Variants in FAR1 observed in about 807,000 individuals in gnomAD.
FAR1 encodes the protein male sterility domain-containing protein 2.
FAR1 carries 22 observed loss-of-function variants against 61.1 expected under a neutral mutation model. The observed-to-expected ratio is 0.36, with a 90% confidence interval of 0.26 to 0.51. The LOEUF is 0.51. Among genes scored for constraint, FAR1 ranks in the 20% least tolerant of loss-of-function variants. FAR1 has a pLI of 0.95. For missense variants in FAR1, 359 were observed against 626.9 expected (o/e 0.57, Z 4.56); for synonymous variants, 206 against 209.7 (o/e 0.98, Z 0.15).
At position 13,721,651 on chromosome 11, in the gene FAR1, A is replaced by G; in HGVS notation, c.1128-79A>G. 8.4e-7 allele frequency: 1 copy of G among 1,188,376 alleles called. No individual in the cohort carries two copies. Among genetic ancestry groups the G allele is most frequent in the Non-Finnish European group, 1.2e-6 (1 of 835,666 alleles). The allele number at this position is 1,188,376 out of a possible 1,614,324, so 73.6% of individuals were successfully genotyped here. Reference sequence around the variant, plus strand: ...ATACTAATGTCTATATTATAGGGGGAAACTTGCACCCTGGGTGGTGATAGG... The same window carrying G: ...ATACTAATGTCTATATTATAGGGGGGAACTTGCACCCTGGGTGGTGATAGG... On this transcript the variant is annotated intron_variant, in intron 9 of 11. Transcript: ENST00000354817. This position sits in a 1 kb window ranked among gnomAD's most constrained non-coding sequence, Gnocchi z 4.2.
chr11:13,676,461 T>C (rs571408592), intron 1 of FAR1, among the ~76,000 whole-genome samples: 1 of 152,290 alleles, frequency 6.6e-6, no homozygotes, highest in African/African-American at 2.4e-5. Context: ...AAGGATCTGC[T>C]AAAGTATTTT....
intron 9 of FAR1, among the ~76,000 whole-genome samples, chr11:13,718,753 A>G (rs907398416): frequency 6.6e-6 from 1 of 152,164 alleles, no homozygotes; most frequent in African/African-American, 2.4e-5. Context: ...CTTGATGGTA[A>G]TGGCTCAGGA....
chr11:13,724,636 C>CT (rs1848650990), intron 10 of FAR1, among the ~76,000 whole-genome samples: 1 of 150,856 alleles, frequency 6.6e-6, no homozygotes, highest in Non-Finnish European at 1.5e-5. Flanking sequence ...AGCTTCCTTT[C>CT]TCTTCCCACT....
intron 3 of FAR1, among the ~76,000 whole-genome samples, chr11:13,705,990 A>C (rs1349630357): frequency 6.6e-6 from 1 of 152,214 alleles, no homozygotes; most frequent in Non-Finnish European, 1.5e-5. Context: ...GATTCTATCT[A>C]TGACATCTCC....
chr11:13,687,988 T>C (rs937614657), intron 1 of FAR1, among the ~76,000 whole-genome samples: 1 of 150,204 alleles, frequency 6.7e-6, no homozygotes, highest in African/African-American at 2.4e-5. Context: ...TTAGGAGATA[T>C]ACCTAATCCT....
intron 11 of FAR1, among the ~76,000 whole-genome samples, chr11:13,728,327 C>T (rs892232649): frequency 6.6e-6 from 1 of 151,772 alleles, no homozygotes; most frequent in Non-Finnish European, 1.5e-5. Flanking sequence ...GAGTAAGTTA[C>T]TTGTCTGACA....
At chr11:13,707,816 A>T in intron 3 of FAR1, 84 bp from the exon 4 acceptor site, 1 of 1,016,852 alleles carries the variant, frequency 9.8e-7, no homozygotes, top group Non-Finnish European at 1.3e-6. Context: ...CTGTCTCTCT[A>T]CTTCTCTAAT....
intron 1 of FAR1, among the ~76,000 whole-genome samples, chr11:13,680,659 A>G (rs1403127754): frequency 2.0e-5 from 3 of 152,086 alleles, no homozygotes; most frequent in South Asian, 2.1e-4. Context: ...TCTTTTCAAC[A>G]GCCAGTTCTT....
intron 1 of FAR1, among the ~76,000 whole-genome samples, chr11:13,690,644 A>G (rs1454738220): frequency 6.6e-6 from 1 of 152,176 alleles, no homozygotes; most frequent in African/African-American, 2.4e-5. Context: ...TAGCTTTATA[A>G]TACATCTCAA....
At chr11:13,702,480 G>A (rs555296329) in intron 3 of FAR1, among the ~76,000 whole-genome samples, 1 of 152,092 alleles carries the variant, frequency 6.6e-6, no homozygotes, top group African/African-American at 2.4e-5. Flanking sequence ...ATTTTGTTGT[G>A]TGTGTATATT....
intron 2 of FAR1, among the ~76,000 whole-genome samples, chr11:13,700,029 G>A (rs1246297024): frequency 1.3e-5 from 2 of 152,080 alleles, no homozygotes; most frequent in Non-Finnish European, 2.9e-5. Context: ...ATCAGCCAAG[G>A]CATGGACAGT....
chr11:13,703,126 A>T (rs1222392817), intron 3 of FAR1, among the ~76,000 whole-genome samples: 1 of 151,958 alleles, frequency 6.6e-6, no homozygotes, highest in African/African-American at 2.4e-5. Context: ...ACTCTATAAT[A>T]CTCCAGGCAG....
intron 1 of FAR1, among the ~76,000 whole-genome samples, chr11:13,679,277 A>G (rs1848100149): frequency 6.6e-6 from 1 of 152,190 alleles, no homozygotes; most frequent in African/African-American, 2.4e-5. Context: ...ATATGAAAAC[A>G]TTATTATTAA....
chr11:13,709,631 C>G (rs1340989505), intron 4 of FAR1, among the ~76,000 whole-genome samples: 2 of 151,814 alleles, frequency 1.3e-5, no homozygotes, highest in Admixed American at 1.3e-4. Flanking sequence ...TTTTTTTCCT[C>G]ATGTATCAAC....
At chr11:13,715,097 A>G (rs1215942916) in intron 9 of FAR1, among the ~76,000 whole-genome samples, 1 of 152,196 alleles carries the variant, frequency 6.6e-6, no homozygotes, top group Non-Finnish European at 1.5e-5. Flanking sequence ...GCCATAGAGT[A>G]TCTGCATTAT....
chr11:13,714,553 G>A lies in FAR1; in HGVS notation c.1000G>A (p.Ala334Thr), dbSNP rs1033863884. 9.3e-6 allele frequency: 15 copies of A among 1,612,790 alleles called. No individual in the cohort carries two copies. In the East Asian group the frequency reaches 3.3e-4, roughly 36 times the overall value. Residue 334 changes from alanine to threonine, a missense_variant, in exon 9 of 12, where the codon GCC (alanine) becomes ACC (threonine). Around this residue, in one of 2 missense-constraint regions of FAR1, gnomAD observed 344 missense variants for 570.3 expected, o/e 0.60. Transcript: ENST00000354817. ...STFKRNPLEQ[A>T]FRRPNVNLTS... ...TTTCAAGAGGAATCCTCTCGAACAG[G>A]CCTTCAGACGGCCCAATGTAAATCT...
chr11:13,714,552 G>C lies in FAR1; in HGVS notation c.999G>C (p.Gln333His). 6.2e-7 allele frequency: 1 copy of C among 1,612,732 alleles called. No homozygotes were observed. Among genetic ancestry groups the C allele is most frequent in the Non-Finnish European group, 8.5e-7 (1 of 1,179,460 alleles). Reference sequence around the variant, plus strand: ...CTTTCAAGAGGAATCCTCTCGAACAGGCCTTCAGACGGCCCAATGTAAATC... The same window carrying C: ...CTTTCAAGAGGAATCCTCTCGAACACGCCTTCAGACGGCCCAATGTAAATC... ...ISTFKRNPLE[Q>H]AFRRPNVNLT... is the part of the protein sequence containing the mutation. The change falls in exon 9 of 12, where the codon CAG becomes CAC. Residue 333 changes from glutamine (Q) to histidine (H), a missense_variant. Around this residue, in one of 2 missense-constraint regions of FAR1, gnomAD observed 344 missense variants for 570.3 expected, o/e 0.60. Coordinates refer to ENST00000354817, the MANE Select transcript of FAR1 (RefSeq NM_032228.6).
At chr11:13,716,899 G>A (rs964339481) in intron 9 of FAR1, among the ~76,000 whole-genome samples, 2 of 151,620 alleles carry the variant, frequency 1.3e-5, no homozygotes, top group African/African-American at 2.4e-5. Flanking sequence ...CCATTAACTT[G>A]TCATTTACAT....
chr11:13,723,349 A>T (rs1848632979), intron 10 of FAR1: 1 of 375,178 alleles, frequency 2.7e-6, no homozygotes, highest in Non-Finnish European at 4.9e-6. Flanking sequence ...TGAACAATAG[A>T]GTGAGAGTCT....
Sources: gnomAD v4.1 joint callset for allele counts (sites outside exome capture counted in the v4.1 genomes callset) on GRCh38, gnomAD v4.1.1 for gene constraint, gnomAD v4.1.1 regional missense constraint, Gnocchi (gnomAD v3.1) non-coding constraint, MANE v1.5 for transcripts, NCBI Gene and HGNC (gene_info 2026-07-23, HGNC 2026-07-21) for gene names.